The following VWC2L variants were observed in gnomAD, a reference collection of about 807,000 sequenced individuals.
VWC2L encodes the protein von Willebrand factor C domain-containing protein 2-like.
Under a neutral mutation model 21.6 loss-of-function variants are expected in VWC2L, and 10 were observed. The observed-to-expected ratio is 0.46, with a 90% CI of 0.29 to 0.78. The LOEUF (loss-of-function observed/expected upper bound fraction) is 0.78, where lower values mean the gene tolerates loss of function less well. Among genes scored for constraint, VWC2L ranks in the 30% least tolerant of loss-of-function variants. The probability of loss-of-function intolerance (pLI) is 0.10; values close to 1 mark genes in which losing one functional copy is unlikely to be tolerated. For synonymous variants in VWC2L, 96 were observed against 94.3 expected (o/e 1.02, Z -0.10); for missense variants, 209 against 277.1 (o/e 0.75, Z 1.74).
At chr2:214,538,135 T>G (rs978703542) in intron 3 of VWC2L, among the ~76,000 whole-genome samples, 1 of 152,090 alleles carries the variant, frequency 6.6e-6, no homozygotes, top group Non-Finnish European at 1.5e-5. Flanking sequence ...TGTATCCTAG[T>G]GTCGGCATGA....
chr2:214,434,341 T>C (rs1277349237), intron 2 of VWC2L, among the ~76,000 whole-genome samples: 2 of 152,168 alleles, frequency 1.3e-5, no homozygotes, highest in Non-Finnish European at 2.9e-5. Flanking sequence ...TCCAAGAATG[T>C]AACACTTGTG....
At chr2:214,490,832 G>C (rs1250630485) in intron 3 of VWC2L, among the ~76,000 whole-genome samples, 1 of 152,170 alleles carries the variant, frequency 6.6e-6, no homozygotes, top group Admixed American at 6.6e-5. Flanking sequence ...AGAAGGTAAG[G>C]AATTGGTGTC....
intron 3 of VWC2L, among the ~76,000 whole-genome samples, chr2:214,549,304 C>A (rs1434598902): frequency 5.9e-5 from 9 of 152,224 alleles, no homozygotes; most frequent in Admixed American, 5.9e-4. Context: ...AGGATGTGGG[C>A]ATCCTTAGGA....
chr2:214,557,698 C>A (rs995963265), intron 3 of VWC2L, among the ~76,000 whole-genome samples: 1 of 152,106 alleles, frequency 6.6e-6, no homozygotes, highest in East Asian at 1.9e-4. Context: ...CCTCCTACTG[C>A]TCAGAGAAAA....
intron 3 of VWC2L, 24 bp from the exon 4 acceptor site, chr2:214,575,648 A>AATCAATG (rs757083332): frequency 2.2e-5 from 35 of 1,610,674 alleles, no homozygotes; most frequent in African/African-American, 4.0e-5. Context: ...TTAATCAACT[A>AATCAATG]ATCAATGTAT....
rs767955219 is a variant in VWC2L, at chr2:214,414,235, C to T, written c.42C>T (p.Val14=). ...ATGAAGCTTGCATACTTCTGTTGGTCATCCCTGGATTGGTCACCTCTGCTG... is the reference window on the plus strand; with the variant it reads ...ATGAAGCTTGCATACTTCTGTTGGTTATCCCTGGATTGGTCACCTCTGCTG... The part of the protein sequence containing the change: ...HIHEACILLL[V]IPGLVTSAAI... The change falls in exon 2 of 4, where the codon GTC becomes GTT. Residue 14 remains valine (V), a synonymous_variant. Coordinates refer to ENST00000312504, the MANE Select transcript of VWC2L (RefSeq NM_001080500.4). 15 of 1,613,128 alleles carry T rather than the reference C, an allele frequency of 9.3e-6. No homozygotes were observed. The South Asian group carries it at 1.7e-4, about 18-fold the overall frequency.
chr2:214,464,386 T>G (rs2126189993), intron 3 of VWC2L, among the ~76,000 whole-genome samples: 1 of 152,278 alleles, frequency 6.6e-6, no homozygotes, highest in South Asian at 2.1e-4. Flanking sequence ...ACCGAGACTC[T>G]TGTGGACTCA....
intron 2 of VWC2L, among the ~76,000 whole-genome samples, chr2:214,431,173 A>G (rs1702596868): frequency 6.6e-6 from 1 of 152,238 alleles, no homozygotes; most frequent in Non-Finnish European, 1.5e-5. Flanking sequence ...TTTAATGTAT[A>G]TTTTAATGAA....
intron 3 of VWC2L, among the ~76,000 whole-genome samples, chr2:214,465,919 C>A (rs928844898): frequency 2.0e-5 from 3 of 152,114 alleles, no homozygotes; most frequent in Non-Finnish European, 4.4e-5. Context: ...GCACTGAGTT[C>A]CAATGCAAAG....
At chr2:214,438,152 G>A (rs1702706034) in intron 3 of VWC2L, among the ~76,000 whole-genome samples, 1 of 152,086 alleles carries the variant, frequency 6.6e-6, no homozygotes, top group Non-Finnish European at 1.5e-5. Flanking sequence ...AGAACAATAA[G>A]AGGATTTAGT....
chr2:214,430,658 C>T (rs1250189684), intron 2 of VWC2L, among the ~76,000 whole-genome samples: 1 of 151,920 alleles, frequency 6.6e-6, no homozygotes, highest in East Asian at 1.9e-4. Flanking sequence ...CTTATGTTTT[C>T]AACAAAAATG....
intron 3 of VWC2L, among the ~76,000 whole-genome samples, chr2:214,483,483 T>C (rs1288188353): frequency 1.3e-5 from 2 of 152,090 alleles, no homozygotes. Context: ...AATTATTTGG[T>C]GAGTTGGTAC....
intron 3 of VWC2L, among the ~76,000 whole-genome samples, chr2:214,573,667 G>A (rs909825923): frequency 1.3e-5 from 2 of 152,166 alleles, no homozygotes; most frequent in African/African-American, 4.8e-5. Context: ...GTTCTCTGAA[G>A]ACTCCCTCAG....
intron 3 of VWC2L, among the ~76,000 whole-genome samples, chr2:214,515,906 C>T (rs890203350): frequency 2.6e-5 from 4 of 152,050 alleles, no homozygotes; most frequent in African/African-American, 9.7e-5. Flanking sequence ...TGAAGCAGAA[C>T]CAGACCTCTA....
intron 3 of VWC2L, among the ~76,000 whole-genome samples, chr2:214,531,514 C>T (rs1366026676): frequency 6.6e-6 from 1 of 152,122 alleles, no homozygotes; most frequent in African/African-American, 2.4e-5. Flanking sequence ...TAGATCTATT[C>T]TACAGGTAAT....
At chr2:214,496,650 G>T (rs1294262320) in intron 3 of VWC2L, among the ~76,000 whole-genome samples, 1 of 152,216 alleles carries the variant, frequency 6.6e-6, no homozygotes, top group Non-Finnish European at 1.5e-5. Flanking sequence ...AGCACAGATT[G>T]AAGGGAAATC....
intron 3 of VWC2L, among the ~76,000 whole-genome samples, chr2:214,447,192 A>G (rs1702850778): frequency 6.6e-6 from 1 of 152,126 alleles, no homozygotes; most frequent in Non-Finnish European, 1.5e-5. Context: ...AAGATTCATG[A>G]ATACCTAGAA....
chr2:214,426,808 C>T (rs1031559095), intron 2 of VWC2L, among the ~76,000 whole-genome samples: 2 of 152,232 alleles, frequency 1.3e-5, no homozygotes, highest in East Asian at 3.9e-4. Context: ...TATATATTTC[C>T]TATATTGTTG....
At chr2:214,564,975 T>C (rs1690039637) in intron 3 of VWC2L, among the ~76,000 whole-genome samples, 2 of 152,286 alleles carry the variant, frequency 1.3e-5, no homozygotes, top group African/African-American at 2.4e-5. Context: ...TATAATCCTA[T>C]ACAAATATGC....
Sources: allele counts gnomAD v4.1 joint callset (sites outside exome capture counted in the v4.1 genomes callset), GRCh38; gene constraint gnomAD v4.1.1; transcripts MANE v1.5; gene names NCBI Gene and HGNC (gene_info 2026-07-23, HGNC 2026-07-21).